The following CSMD1 variants were observed in gnomAD, a reference collection of about 807,000 sequenced individuals.
CSMD1 encodes the protein CUB and Sushi multiple domains 1.
In CSMD1, 213 loss-of-function variants were observed where a neutral mutation model predicts 417.5. The observed-to-expected ratio is 0.51, with a 90% CI of 0.46 to 0.57. The LOEUF is 0.57. Among genes scored for constraint, CSMD1 ranks in the 20% least tolerant of loss-of-function variants. The pLI is 0.00. For synonymous variants in CSMD1, 2,862 were observed against 1,736.8 expected, an observed-to-expected ratio of 1.65 and a Z score of -16.11; for missense variants, 6,923 against 4,529.7, an observed-to-expected ratio of 1.53 and a Z score of -15.17.
chr8:3,954,638 A>C (rs1298497125), intron 5 of CSMD1, among the ~76,000 whole-genome samples: 2 of 152,246 alleles, frequency 1.3e-5, no homozygotes, highest in Admixed American at 6.5e-5. Context: ...TTGGGATTAC[A>C]GGCGTGAGCC....
intron 3 of CSMD1, among the ~76,000 whole-genome samples, chr8:4,098,493 T>C (rs992174328): frequency 7.9e-5 from 12 of 152,170 alleles, no homozygotes; most frequent in Non-Finnish European, 1.5e-4. Flanking sequence ...TCCTGTGTTT[T>C]AGTTTTAGGC....
chr8:3,371,308 G>T (rs62503468), intron 18 of CSMD1, among the ~76,000 whole-genome samples: 6,453 of 152,154 alleles, frequency 0.042, 161 homozygotes, highest in Middle Eastern at 0.092. Flanking sequence ...GTTCTCTACC[G>T]CTCTGTGCTT....
intron 5 of CSMD1, among the ~76,000 whole-genome samples, chr8:3,875,580 G>C (rs1161897979): frequency 1.3e-5 from 2 of 152,296 alleles, no homozygotes; most frequent in South Asian, 2.1e-4. Context: ...TGTTTTATTG[G>C]AGAGGAGTCC....
intron 1 of CSMD1, among the ~76,000 whole-genome samples, chr8:4,799,744 C>G (rs1374143214): frequency 6.6e-6 from 1 of 150,634 alleles, no homozygotes; most frequent in Non-Finnish European, 1.5e-5. Context: ...TGTCAAAAAG[C>G]TTTACATTTG....
At chr8:4,764,147 C>G (rs1452217491) in intron 1 of CSMD1, among the ~76,000 whole-genome samples, 1 of 152,146 alleles carries the variant, frequency 6.6e-6, no homozygotes, top group Non-Finnish European at 1.5e-5. Context: ...TCTTGTTTTT[C>G]TTGCTTTCTC....
rs544395407 is a variant in CSMD1 at position 4,122,732 on chromosome 8, AAC to A, written c.416-90635_416-90634del. ...TAACCCAGGATTTTTTCCTAGAAGT[AAC>A]ACTTTCTGTGAAAGGGGAAGATTTC... On this transcript the variant is annotated intron_variant, in intron 3 of 69. Coordinates refer to ENST00000635120, the MANE Select transcript of CSMD1 (RefSeq NM_033225.6). 7.4e-3 allele frequency among the ~76,000 whole-genome samples: 1,125 copies of A among 152,290 alleles called. 4 individuals carry two copies. The highest frequency in any genetic ancestry group is 0.012 in the Non-Finnish European group (796 of 68,026).
chr8:4,293,619 C>G (rs1001029226), intron 3 of CSMD1, among the ~76,000 whole-genome samples: 2 of 152,154 alleles, frequency 1.3e-5, no homozygotes, highest in Non-Finnish European at 2.9e-5. Context: ...ATACTGCAAT[C>G]GTGTATTTTG....
chr8:4,888,598 G>T (rs545993932), intron 1 of CSMD1, among the ~76,000 whole-genome samples: 1 of 151,974 alleles, frequency 6.6e-6, no homozygotes, highest in South Asian at 2.1e-4. Context: ...GAAGGACTAC[G>T]GCAGTGACAT....
intron 7 of CSMD1, among the ~76,000 whole-genome samples, chr8:3,625,938 T>C (rs1294885124): frequency 6.6e-6 from 1 of 152,240 alleles, no homozygotes; most frequent in East Asian, 1.9e-4. Context: ...GAAAATGTTT[T>C]CCTTATAAAG....
chr8:3,889,246 AAG>A (rs1349904061), intron 5 of CSMD1, among the ~76,000 whole-genome samples: 1 of 151,790 alleles, frequency 6.6e-6, no homozygotes, highest in African/African-American at 2.4e-5. Context: ...TGATAAATTA[AAG>A]AGAGATTTCT....
chr8:3,191,241 G>C (rs1263574053), intron 33 of CSMD1, among the ~76,000 whole-genome samples: 3 of 152,234 alleles, frequency 2.0e-5, no homozygotes, highest in African/African-American at 7.2e-5. Flanking sequence ...GATCACTTGA[G>C]GTCGAGAGTT....
intron 25 of CSMD1, among the ~76,000 whole-genome samples, chr8:3,299,784 A>G (rs1241315855): frequency 6.6e-6 from 1 of 152,202 alleles, no homozygotes; most frequent in African/African-American, 2.4e-5. Flanking sequence ...AACAGATATA[A>G]CCAATAAAAT....
intron 3 of CSMD1, among the ~76,000 whole-genome samples, chr8:4,306,629 C>G (rs553934671): frequency 1.9e-4 from 29 of 152,206 alleles, no homozygotes; most frequent in Admixed American, 1.6e-3. Flanking sequence ...ATCTCATTCA[C>G]ACATCTGGAT....
At chr8:3,134,689 T>A (rs961188468) in intron 41 of CSMD1, among the ~76,000 whole-genome samples, 5 of 152,198 alleles carry the variant, frequency 3.3e-5, no homozygotes, top group Non-Finnish European at 1.5e-5. Flanking sequence ...AAAGACTTCA[T>A]TTCCCTTCCT....
intron 38 of CSMD1, 51 bp downstream of exon 38, chr8:3,162,108 C>T: frequency 8.3e-7 from 1 of 1,210,276 alleles, no homozygotes; most frequent in East Asian, 2.5e-5. Context: ...AAGAGAGCTG[C>T]ACAAAGATGA....
intron 3 of CSMD1, among the ~76,000 whole-genome samples, chr8:4,033,949 T>G (rs1247536224): frequency 3.3e-5 from 5 of 152,324 alleles, no homozygotes; most frequent in African/African-American, 1.2e-4. Flanking sequence ...ATCAGTAAAT[T>G]AGCTGCTATT....
intron 2 of CSMD1, among the ~76,000 whole-genome samples, chr8:4,487,056 T>C (rs997332727): frequency 4.6e-5 from 7 of 152,166 alleles, no homozygotes; most frequent in Admixed American, 2.6e-4. Flanking sequence ...TCTTTCCGCT[T>C]TCTAATTAAG....
chr8:3,965,526 T>C (rs1434348205), intron 5 of CSMD1, among the ~76,000 whole-genome samples: 2 of 152,184 alleles, frequency 1.3e-5, no homozygotes, highest in African/African-American at 2.4e-5. Context: ...GCTGAAACAA[T>C]AGAGCCTGAA....
intron 3 of CSMD1, among the ~76,000 whole-genome samples, chr8:4,197,474 G>C (rs1367331674): frequency 6.6e-6 from 1 of 152,114 alleles, no homozygotes; most frequent in African/African-American, 2.4e-5. Flanking sequence ...TCACTTGAAG[G>C]CCTCAGTAGA....
Sources: gnomAD v4.1 joint callset for allele counts (sites outside exome capture counted in the v4.1 genomes callset) on GRCh38, gnomAD v4.1.1 for gene constraint, MANE v1.5 for transcripts, NCBI Gene and HGNC (gene_info 2026-07-23, HGNC 2026-07-21) for gene names.